FSTL5: variants seen among roughly 807,000 people sequenced by gnomAD.
FSTL5 encodes the protein follistatin-related protein 5.
In FSTL5, 62 loss-of-function variants were observed where a neutral mutation model predicts 89.1. The ratio of observed to expected loss-of-function variants is 0.70; its 90% CI spans 0.57 to 0.86. The LOEUF is 0.86. FSTL5 is among the 40% of genes least tolerant of loss of function. The pLI is 0.00. For synonymous variants in FSTL5, 383 were observed against 346.2 expected, an observed-to-expected ratio of 1.11 and a Z score of -1.18; for missense variants, 1,057 against 1,001.6, an observed-to-expected ratio of 1.06 and a Z score of -0.75.
intron 6 of FSTL5, among the ~76,000 whole-genome samples, chr4:161,747,607 T>C (rs1433754882): frequency 1.3e-5 from 2 of 152,208 alleles, no homozygotes; most frequent in African/African-American, 4.8e-5. Context: ...TGCTATTTGT[T>C]TGTCCCATAT....
intron 8 of FSTL5, among the ~76,000 whole-genome samples, chr4:161,559,792 G>A (rs142595822): frequency 4.6e-5 from 7 of 152,018 alleles, no homozygotes; most frequent in Non-Finnish European, 8.8e-5. Flanking sequence ...ATTGGTAGGT[G>A]ATGTTGTCAC....
intron 4 of FSTL5, among the ~76,000 whole-genome samples, chr4:161,876,967 CAGAGGTCGGGAGTT>C (rs1732463372): frequency 6.6e-6 from 1 of 151,506 alleles, no homozygotes; most frequent in Non-Finnish European, 1.5e-5. Context: ...GGCGGATCAC[CAGAGGTCGGGAGTT>C]TGAGACCAGC....
intron 2 of FSTL5, among the ~76,000 whole-genome samples, chr4:162,037,524 C>G (rs1054162444): frequency 6.6e-6 from 1 of 151,800 alleles, no homozygotes. Context: ...TTGTAACAAT[C>G]TTAGGCTTAG....
At chr4:161,644,846 T>C (rs1365537558) in intron 7 of FSTL5, among the ~76,000 whole-genome samples, 3 of 152,068 alleles carry the variant, frequency 2.0e-5, no homozygotes, top group African/African-American at 7.2e-5. Context: ...TGACAGGCCT[T>C]AAACTAAGGC....
chr4:162,097,122 T>C (rs1730793524), intron 2 of FSTL5, among the ~76,000 whole-genome samples: 1 of 151,906 alleles, frequency 6.6e-6, no homozygotes. Context: ...ATTTCTGTCA[T>C]TTCTAGTTTG....
chr4:162,016,742 T>A (rs1736926616), intron 3 of FSTL5, among the ~76,000 whole-genome samples: 1 of 152,206 alleles, frequency 6.6e-6, no homozygotes, highest in Non-Finnish European at 1.5e-5. Flanking sequence ...TTATACTACA[T>A]CAGTATAGAA....
intron 2 of FSTL5, among the ~76,000 whole-genome samples, chr4:162,050,714 A>G (rs902067467): frequency 7.3e-5 from 11 of 151,348 alleles, no homozygotes; most frequent in Non-Finnish European, 1.0e-4. Context: ...AACTAGTTCC[A>G]TAAGAAGGGA....
At chr4:162,103,775 T>A (rs531054134) in intron 2 of FSTL5, among the ~76,000 whole-genome samples, 1 of 152,280 alleles carries the variant, frequency 6.6e-6, no homozygotes, top group South Asian at 2.1e-4. Flanking sequence ...GGTGACAGCA[T>A]CCACCTTTAA....
At chr4:161,998,107 CTT>C (rs1313412313) in intron 3 of FSTL5, among the ~76,000 whole-genome samples, 20 of 152,124 alleles carry the variant, frequency 1.3e-4, no homozygotes, top group African/African-American at 4.8e-4. Context: ...TCTGTCTACT[CTT>C]TGCTTTAGAA....
At chr4:161,556,970 T>C (rs938099645) in intron 8 of FSTL5, among the ~76,000 whole-genome samples, 2 of 151,294 alleles carry the variant, frequency 1.3e-5, no homozygotes, top group Non-Finnish European at 3.0e-5. Context: ...GTTATAAATA[T>C]AGTTTCCTAA....
chr4:161,448,755 A>T lies in FSTL5; in HGVS notation c.1841+6249T>A, dbSNP rs141286591. ...AAACAAGATAAATCCTTAGCCCCTT[A>T]CTACCCCCATTTGGCTCCAAGTACT... On this transcript the variant is annotated intron_variant, in intron 15 of 15. Transcript: ENST00000306100. Among the ~76,000 whole-genome samples the T allele has an allele frequency of 2.5e-3, 375 of 152,186 alleles. 1 individual carries two copies. The highest frequency in any genetic ancestry group is 8.6e-3 in the African/African-American group (357 of 41,524).
At chr4:162,000,817 T>C (rs1736442897) in intron 3 of FSTL5, among the ~76,000 whole-genome samples, 1 of 151,836 alleles carries the variant, frequency 6.6e-6, no homozygotes, top group South Asian at 2.1e-4. Flanking sequence ...ATTGGGGAAG[T>C]AGACTTCAAA....
intron 3 of FSTL5, among the ~76,000 whole-genome samples, chr4:162,028,296 G>C (rs1176408228): frequency 3.9e-5 from 6 of 152,028 alleles, no homozygotes; most frequent in Non-Finnish European, 8.8e-5. Context: ...GCATGTATTG[G>C]CCAGGTGAGG....
chr4:161,476,270 C>T (rs1197661964), intron 13 of FSTL5, among the ~76,000 whole-genome samples: 2 of 148,796 alleles, frequency 1.3e-5, no homozygotes, highest in Non-Finnish European at 3.0e-5. Context: ...TCACCGCAGG[C>T]TCTGCCTCCC....
intron 3 of FSTL5, among the ~76,000 whole-genome samples, chr4:161,953,788 C>T (rs945990614): frequency 2.0e-5 from 3 of 151,606 alleles, no homozygotes; most frequent in East Asian, 1.9e-4. Context: ...AATTATCCCA[C>T]GGAGAATTTT....
chr4:161,549,676 A>G (rs183607786), intron 8 of FSTL5, among the ~76,000 whole-genome samples: 1 of 152,090 alleles, frequency 6.6e-6, no homozygotes, highest in Non-Finnish European at 1.5e-5. Flanking sequence ...TCTGCAGGAG[A>G]TATCAAAAGA....
intron 4 of FSTL5, among the ~76,000 whole-genome samples, chr4:161,839,908 G>C (rs1731160223): frequency 6.6e-6 from 1 of 152,158 alleles, no homozygotes; most frequent in South Asian, 2.1e-4. Context: ...ATGTAAGTGT[G>C]AATGAGTTTG....
intron 6 of FSTL5, among the ~76,000 whole-genome samples, chr4:161,674,126 T>C (rs1035608071): frequency 1.3e-4 from 20 of 152,180 alleles, no homozygotes; most frequent in African/African-American, 4.6e-4. Flanking sequence ...TAAAAACATA[T>C]TTTGATAATA....
chr4:161,974,625 G>A (rs1412145418), intron 3 of FSTL5, among the ~76,000 whole-genome samples: 2 of 123,336 alleles, frequency 1.6e-5, no homozygotes, highest in Non-Finnish European at 3.3e-5. Context: ...AGATTTAAAC[G>A]TTAGACCTAA....
Sources: gnomAD v4.1 joint callset for allele counts (sites outside exome capture counted in the v4.1 genomes callset) on GRCh38, gnomAD v4.1.1 for gene constraint, MANE v1.5 for transcripts, NCBI Gene and HGNC (gene_info 2026-07-23, HGNC 2026-07-21) for gene names.